Variants in KIAA2012 observed in about 807,000 individuals in gnomAD.
KIAA2012 encodes the protein KIAA2012.
A neutral mutation model predicts 150.6 loss-of-function variants in KIAA2012; 125 were observed. That is an observed-to-expected ratio of 0.83 (90% confidence interval 0.72 to 0.96). KIAA2012 has a LOEUF of 0.96. Among genes scored for constraint, KIAA2012 ranks in the 40% least tolerant of loss-of-function variants. KIAA2012 has a pLI of 0.00. For synonymous variants in KIAA2012, 462 were observed against 504.7 expected (o/e 0.92, Z 1.13); for missense variants, 1,219 against 1,354.9 (o/e 0.90, Z 1.57).
chr2:202,138,394 C>T, intron 12 of KIAA2012, 38 bp from the exon 13 acceptor site: 1 of 1,463,554 alleles, frequency 6.8e-7, no homozygotes, highest in Non-Finnish European at 9.4e-7. Context: ...CCAGATCTGA[C>T]CACCTTGATC....
Position 202,138,373 on chromosome 2 carries a change from A to G in KIAA2012, c.1832-59A>G, listed in dbSNP as rs942170512. On this transcript the variant is annotated intron_variant, in intron 12 of 23. Coordinates refer to ENST00000498697, the MANE Select transcript of KIAA2012 (RefSeq NM_001277372.4). ...GTGTGTGTGTATGGTATATATAAAAAGTCATGAGATCCAGATCTGACCACC... is the reference window on the plus strand; with the variant it reads ...GTGTGTGTGTATGGTATATATAAAAGGTCATGAGATCCAGATCTGACCACC... 2.4e-6 allele frequency: 3 copies of G among 1,247,812 alleles called. No homozygotes were observed. In the African/African-American group the frequency reaches 4.5e-5, roughly 19 times the overall value. The allele number at this position is 1,247,812 out of a possible 1,614,324, so 77.3% of individuals were successfully genotyped here. A position where few individuals can be genotyped will look rare whatever the true frequency, so the allele number is the denominator to read the frequency against.
intron 13 of KIAA2012, among the ~76,000 whole-genome samples, chr2:202,146,124 T>C (rs1434302737): frequency 6.6e-6 from 1 of 152,200 alleles, no homozygotes; most frequent in Non-Finnish European, 1.5e-5. Context: ...GAAATAGATG[T>C]CAGGACTAAT....
intron 14 of KIAA2012, among the ~76,000 whole-genome samples, chr2:202,156,758 A>G (rs976681825): frequency 5.3e-5 from 8 of 152,064 alleles, no homozygotes; most frequent in Non-Finnish European, 8.8e-5. Flanking sequence ...GGTGGTGGGC[A>G]CCTGTAGTCC....
chr2:202,109,590 T>C, intron 9 of KIAA2012, 23 bp from the exon 10 acceptor site: 1 of 1,500,254 alleles, frequency 6.7e-7, no homozygotes, highest in South Asian at 1.3e-5. Context: ...TCACACAGGC[T>C]TTTTCCCCTT....
chr2:202,119,748 A>G (rs547487850), intron 11 of KIAA2012, among the ~76,000 whole-genome samples: 27 of 152,264 alleles, frequency 1.8e-4, no homozygotes, highest in South Asian at 1.0e-3. Flanking sequence ...CATGCCTATA[A>G]TCCCAGCACT....
Position 202,165,284 on chromosome 2 carries a change from G to C in KIAA2012, c.2047G>C (p.Glu683Gln). The part of the protein sequence containing the change: ...LHIDMTPFLK[E>Q]SGNALDYQEE... Reference sequence around the variant, plus strand: ...TCTTTGTTGTGTGTTAACCCAATAGGAAAGTGGAAATGCACTGGACTATCA... The same window carrying C: ...TCTTTGTTGTGTGTTAACCCAATAGCAAAGTGGAAATGCACTGGACTATCA... Residue 683 changes from glutamate (E) to glutamine (Q), a missense_variant and splice_region_variant, in exon 15 of 24, where the codon GAA becomes CAA. Glu to Gln is a conservative substitution (Grantham distance 29). Transcript: ENST00000498697. 3 of 1,550,164 alleles carry C rather than the reference G, an allele frequency of 1.9e-6. No individual in the cohort carries two copies. Among genetic ancestry groups the C allele is most frequent in the Non-Finnish European group, 2.6e-6 (3 of 1,146,660 alleles).
intron 10 of KIAA2012, among the ~76,000 whole-genome samples, chr2:202,110,244 G>A (rs1690311174): frequency 6.6e-6 from 1 of 152,240 alleles, no homozygotes; most frequent in Non-Finnish European, 1.5e-5. Context: ...CTAATTTCTA[G>A]GGAAGGGTGA....
chr2:202,108,904 C>T (rs896920377), intron 9 of KIAA2012, among the ~76,000 whole-genome samples: 5 of 152,186 alleles, frequency 3.3e-5, no homozygotes, highest in African/African-American at 1.2e-4. Context: ...ATAAAGACCA[C>T]TCCCTCTGAA....
intron 13 of KIAA2012, among the ~76,000 whole-genome samples, chr2:202,150,457 G>T (rs1559221226): frequency 1.3e-5 from 2 of 149,686 alleles, no homozygotes; most frequent in Admixed American, 1.3e-4. Context: ...TGTTTTTTGT[G>T]TTTTTTTTTG....
At position 202,165,369 on chromosome 2, in the gene KIAA2012, A is replaced by G; in HGVS notation, c.2119+13A>G. 6.5e-7 allele frequency: 1 copy of G among 1,548,868 alleles called. No individual in the cohort carries two copies. Among genetic ancestry groups the G allele is most frequent in the Non-Finnish European group, 8.7e-7 (1 of 1,145,656 alleles). ...CACAACGACCAAGGTACAGACCACT[A>G]GGTGGGGCTTTATAATCTTATAGCC... On this transcript the variant is annotated intron_variant, in intron 15 of 23. Transcript: ENST00000498697.
At chr2:202,088,538 T>C (rs928533646) in intron 2 of KIAA2012, among the ~76,000 whole-genome samples, 7 of 152,146 alleles carry the variant, frequency 4.6e-5, no homozygotes, top group Admixed American at 2.6e-4. Context: ...TCTCCTCAGC[T>C]CCCTTTAGGA....
intron 12 of KIAA2012, among the ~76,000 whole-genome samples, chr2:202,131,909 C>T (rs1162469972): frequency 6.6e-6 from 1 of 152,188 alleles, no homozygotes; most frequent in Non-Finnish European, 1.5e-5. Flanking sequence ...GGTGCGGTGG[C>T]TCATGCCTGT....
At chr2:202,084,244 G>A (rs943438041) in intron 2 of KIAA2012, among the ~76,000 whole-genome samples, 1 of 152,238 alleles carries the variant, frequency 6.6e-6, no homozygotes, top group Non-Finnish European at 1.5e-5. Context: ...TGCCTTCCTG[G>A]GGACTCTGGC....
At chr2:202,113,918 T>A (rs1272841849) in intron 11 of KIAA2012, 1 of 153,218 alleles carries the variant, frequency 6.5e-6, no homozygotes, top group African/African-American at 2.4e-5. Flanking sequence ...TCTGGCATGT[T>A]CACTTTTTAG....
chr2:202,086,674 T>G (rs751886014), intron 2 of KIAA2012, among the ~76,000 whole-genome samples: 2 of 152,328 alleles, frequency 1.3e-5, no homozygotes, highest in African/African-American at 2.4e-5. Context: ...AAGCATTCGT[T>G]TAATTCATAA....
chr2:202,157,964 T>C (rs1424836410), intron 14 of KIAA2012, among the ~76,000 whole-genome samples: 1 of 152,068 alleles, frequency 6.6e-6, no homozygotes, highest in Non-Finnish European at 1.5e-5. Context: ...AATATAAAGC[T>C]TTCTCTCCCA....
chr2:202,099,171 G>A (rs1689977970), intron 5 of KIAA2012, among the ~76,000 whole-genome samples: 1 of 151,876 alleles, frequency 6.6e-6, no homozygotes, highest in Non-Finnish European at 1.5e-5. Flanking sequence ...AAATTTTTTT[G>A]TAGAGATTGG....
rs184039507 is a variant in KIAA2012 at position 202,130,743 on chromosome 2, C to G, written c.1831+5461C>G. ...ACCAGGTTGGCTAACATGGTGAAAC[C>G]CCATCTCTACCAAAAATACAAAAAT... On this transcript the variant is annotated intron_variant, in intron 12 of 23. Transcript: ENST00000498697. 2.4e-3 allele frequency among the ~76,000 whole-genome samples: 362 copies of G among 152,038 alleles called. 1 individual carries two copies. Among genetic ancestry groups the G allele is most frequent in the African/African-American group, 8.0e-3 (330 of 41,482 alleles).
intron 2 of KIAA2012, among the ~76,000 whole-genome samples, chr2:202,089,530 G>C (rs906504541): frequency 3.9e-5 from 6 of 152,178 alleles, no homozygotes; most frequent in Non-Finnish European, 7.4e-5. Flanking sequence ...CTTCTAACTG[G>C]CTCCACACAG....
Sources: gnomAD v4.1 joint callset for allele counts (sites outside exome capture counted in the v4.1 genomes callset) on GRCh38, gnomAD v4.1.1 for gene constraint, MANE v1.5 for transcripts, NCBI Gene and HGNC (gene_info 2026-07-23, HGNC 2026-07-21) for gene names.